The following PRKN variants were observed in gnomAD, a reference collection of about 807,000 sequenced individuals.
PRKN encodes the protein parkin RBR E3 ubiquitin protein ligase, also known as E3 ubiquitin-protein ligase parkin.
A neutral mutation model predicts 59.5 loss-of-function variants in PRKN; 56 were observed. The observed-to-expected ratio is 0.94, with a 90% CI of 0.76 to 1.18. The LOEUF is 1.18. PRKN is among the 50% of genes most tolerant of loss of function. PRKN has a pLI of 0.00. For synonymous variants in PRKN, 250 were observed against 222.1 expected, an observed-to-expected ratio of 1.13 and a Z score of -1.12; for missense variants, 657 against 596.4, an observed-to-expected ratio of 1.10 and a Z score of -1.06.
At chr6:161,787,000 T>C (rs1460883948) in intron 6 of PRKN, among the ~76,000 whole-genome samples, 1 of 152,120 alleles carries the variant, frequency 6.6e-6, no homozygotes, top group Non-Finnish European at 1.5e-5. Context: ...ATACATGAAT[T>C]TGAAATCAGC....
chr6:162,614,312 G>C (rs567393345), intron 1 of PRKN, among the ~76,000 whole-genome samples: 1 of 152,106 alleles, frequency 6.6e-6, no homozygotes, highest in Non-Finnish European at 1.5e-5. Context: ...TCATGAGGGG[G>C]AAGTTTTGTG....
At chr6:162,032,483 T>C (rs928707556) in intron 5 of PRKN, among the ~76,000 whole-genome samples, 2 of 152,090 alleles carry the variant, frequency 1.3e-5, no homozygotes, top group East Asian at 3.9e-4. Context: ...TGGGGGCCAC[T>C]TTGCAGCCTA....
At chr6:161,690,219 C>T (rs1003917319) in intron 7 of PRKN, among the ~76,000 whole-genome samples, 7 of 152,160 alleles carry the variant, frequency 4.6e-5, no homozygotes, top group African/African-American at 1.4e-4. Context: ...ACTGTCTTGT[C>T]TTTGCCTTTC....
At chr6:161,779,004 A>G (rs1281368782) in intron 7 of PRKN, among the ~76,000 whole-genome samples, 1 of 151,990 alleles carries the variant, frequency 6.6e-6, no homozygotes, top group East Asian at 1.9e-4. Flanking sequence ...GAGTGCAATG[A>G]TCTCGGCTCA....
chr6:161,534,855 T>C (rs920354102), intron 9 of PRKN, among the ~76,000 whole-genome samples: 3 of 152,240 alleles, frequency 2.0e-5, no homozygotes, highest in African/African-American at 7.2e-5. Flanking sequence ...GGTGCATGTT[T>C]CTTATGAGTA....
At position 161,402,553 on chromosome 6, in the gene PRKN, C is replaced by T. The variant is rs959070612; in HGVS notation, c.1084-15676G>A. ...GGGAGCAAAAGATGGCTTCCCTCTA[C>T]CCTCCCAGGTTCTTTGGCTGGGCTA... On this transcript the variant is annotated intron_variant, in intron 9 of 11. Transcript: ENST00000366898. The surrounding 1 kb of genome is among the most constrained non-coding windows in gnomAD (Gnocchi z 4.5). Among the ~76,000 whole-genome samples, 10 of 152,048 alleles carry T rather than the reference C, an allele frequency of 6.6e-5. No homozygotes were observed. The highest frequency in any genetic ancestry group is 2.4e-4 in the African/African-American group (10 of 41,380).
chr6:161,779,964 C>T (rs911352226), intron 7 of PRKN, among the ~76,000 whole-genome samples: 9 of 152,126 alleles, frequency 5.9e-5, no homozygotes, highest in East Asian at 1.9e-4. Context: ...CACATACATG[C>T]AGACATAGAC....
rs1401197635 is a variant in PRKN at position 161,461,456 on chromosome 6, A to G, written c.1084-74579T>C. Reference sequence around the variant, plus strand: ...ATATTTTATGGTATGGGGATAAAGGATGGATTACTAGGGGGAATACACTCA... The same window carrying G: ...ATATTTTATGGTATGGGGATAAAGGGTGGATTACTAGGGGGAATACACTCA... On this transcript the variant is annotated intron_variant, in intron 9 of 11. Coordinates refer to ENST00000366898, the MANE Select transcript of PRKN (RefSeq NM_004562.3). This position sits in a 1 kb window ranked among gnomAD's most constrained non-coding sequence, Gnocchi z 5.1. 1.3e-5 allele frequency among the ~76,000 whole-genome samples: 2 copies of G among 152,042 alleles called. No homozygotes were observed. Among genetic ancestry groups the G allele is most frequent in the Non-Finnish European group, 2.9e-5 (2 of 68,014 alleles).
chr6:162,126,178 T>C (rs991637425), intron 4 of PRKN, among the ~76,000 whole-genome samples: 14 of 152,172 alleles, frequency 9.2e-5, no homozygotes, highest in Non-Finnish European at 1.9e-4. Flanking sequence ...GCTATATGCA[T>C]GCTTATCACT....
chr6:162,128,547 G>A (rs1781213507), intron 4 of PRKN, among the ~76,000 whole-genome samples: 2 of 152,164 alleles, frequency 1.3e-5, no homozygotes, highest in Non-Finnish European at 2.9e-5. Context: ...CCTTACTATA[G>A]GAGAGAAAGC....
At chr6:162,321,639 A>G (rs1243748038) in intron 2 of PRKN, among the ~76,000 whole-genome samples, 2 of 152,058 alleles carry the variant, frequency 1.3e-5, no homozygotes, top group Non-Finnish European at 2.9e-5. Context: ...GAATTCAACA[A>G]TATGTCAAAT....
At chr6:161,754,110 A>G (rs1016638840) in intron 7 of PRKN, among the ~76,000 whole-genome samples, 2 of 152,106 alleles carry the variant, frequency 1.3e-5, no homozygotes, top group Non-Finnish European at 2.9e-5. Flanking sequence ...CAGATTGGCC[A>G]CTGGAATGGA....
intron 6 of PRKN, among the ~76,000 whole-genome samples, chr6:161,962,416 TA>T (rs967000640): frequency 2.7e-5 from 4 of 149,586 alleles, no homozygotes; most frequent in South Asian, 2.1e-4. Context: ...TAGTTTTCTT[TA>T]AAAAAAAAAG....
At chr6:161,885,762 G>A (rs1423614591) in intron 6 of PRKN, among the ~76,000 whole-genome samples, 1 of 151,824 alleles carries the variant, frequency 6.6e-6, no homozygotes, top group Non-Finnish European at 1.5e-5. Flanking sequence ...GAGGATAACT[G>A]TTCATATAAT....
intron 6 of PRKN, among the ~76,000 whole-genome samples, chr6:161,791,719 C>T (rs1294262447): frequency 6.6e-6 from 1 of 152,172 alleles, no homozygotes; most frequent in Non-Finnish European, 1.5e-5. Context: ...GAAACAAATA[C>T]TTACTATACA....
intron 6 of PRKN, among the ~76,000 whole-genome samples, chr6:161,934,560 CTG>C (rs1491099540): frequency 6.6e-6 from 1 of 151,850 alleles, no homozygotes; most frequent in Non-Finnish European, 1.5e-5. Flanking sequence ...AGCAGAGATT[CTG>C]TGTCTCATCA....
At chr6:161,687,877 T>A (rs1019307388) in intron 7 of PRKN, among the ~76,000 whole-genome samples, 1 of 152,230 alleles carries the variant, frequency 6.6e-6, no homozygotes, top group Non-Finnish European at 1.5e-5. Context: ...TTTAATTACT[T>A]ACTTAATTTG....
intron 9 of PRKN, among the ~76,000 whole-genome samples, chr6:161,491,479 C>T (rs1777554545): frequency 6.6e-6 from 1 of 152,106 alleles, no homozygotes; most frequent in Non-Finnish European, 1.5e-5. Flanking sequence ...GGAGAAACAA[C>T]TTACAAAGCT....
Position 161,414,695 on chromosome 6 carries a change from G to T in PRKN, c.1084-27818C>A, listed in dbSNP as rs1280375961. Among the ~76,000 whole-genome samples the T allele has an allele frequency of 6.6e-6, 1 of 152,124 alleles. No individual in the cohort carries two copies. The highest frequency in any genetic ancestry group is 1.9e-4 in the East Asian group (1 of 5,188). Reference sequence around the variant, plus strand: ...AGAGGATTTTTTTTAACTGAGTAAGGTCATCTTTTCCTGATGAAGCCCCAA... The same window carrying T: ...AGAGGATTTTTTTTAACTGAGTAAGTTCATCTTTTCCTGATGAAGCCCCAA... On this transcript the variant is annotated intron_variant, in intron 9 of 11. Coordinates refer to ENST00000366898, the MANE Select transcript of PRKN (RefSeq NM_004562.3). This position sits in a 1 kb window ranked among gnomAD's most constrained non-coding sequence, Gnocchi z 5.3.
Sources: gnomAD v4.1 joint callset for allele counts (sites outside exome capture counted in the v4.1 genomes callset) on GRCh38, gnomAD v4.1.1 for gene constraint, Gnocchi (gnomAD v3.1) non-coding constraint, MANE v1.5 for transcripts, NCBI Gene and HGNC (gene_info 2026-07-23, HGNC 2026-07-21) for gene names.